Variants in PCDHA9 observed in about 807,000 individuals in gnomAD.
PCDHA9 encodes the protein protocadherin alpha 9.
PCDHA9 carries 62 observed loss-of-function variants against 62.0 expected under a neutral mutation model. The ratio of observed to expected loss-of-function variants is 1.00; its 90% CI spans 0.81 to 1.23. The LOEUF is 1.23. Among genes scored for constraint, PCDHA9 ranks in the 50% most tolerant of loss-of-function variants. PCDHA9 has a pLI of 0.00. For synonymous variants in PCDHA9, 557 were observed against 567.6 expected (o/e 0.98, Z 0.27); for missense variants, 1,205 against 1,249.8 (o/e 0.96, Z 0.54).
chr5:140,887,153 G>C (rs950456487), intron 1 of PCDHA9, among the ~76,000 whole-genome samples: 1 of 151,288 alleles, frequency 6.6e-6, no homozygotes, highest in South Asian at 2.1e-4. Flanking sequence ...CTGGAGTACA[G>C]TGGCGTGATC....
chr5:140,857,857 C>T lies in PCDHA9; in HGVS notation c.2394+6968C>T, dbSNP rs1415276512. On this transcript the variant is annotated intron_variant, in intron 1 of 3. Transcript: ENST00000532602. ...CAGTGGACGCTGACTCTGGATACAA[C>T]GCGTGGCTGTCGTATGAATTGCAGT... 10 of 1,597,784 alleles carry T rather than the reference C, an allele frequency of 6.3e-6. 2 individuals are homozygous for T. Among genetic ancestry groups the T allele is most frequent in the African/African-American group, 1.3e-5 (1 of 74,362 alleles).
At chr5:140,916,464 G>T (rs2077577403) in intron 1 of PCDHA9, among the ~76,000 whole-genome samples, 1 of 152,206 alleles carries the variant, frequency 6.6e-6, no homozygotes, top group Non-Finnish European at 1.5e-5. Context: ...ATCACTGCTG[G>T]TTATTTGGTG....
intron 1 of PCDHA9, among the ~76,000 whole-genome samples, chr5:140,944,623 T>G (rs535315515): frequency 2.0e-5 from 3 of 152,202 alleles, no homozygotes; most frequent in Non-Finnish European, 4.4e-5. Flanking sequence ...AGAAGTATAG[T>G]GTTGTAAGCC....
At chr5:140,876,510 T>C in intron 1 of PCDHA9, 1 of 1,614,038 alleles carries the variant, frequency 6.2e-7, no homozygotes, top group Non-Finnish European at 8.5e-7. Flanking sequence ...TGAATGACAA[T>C]GTCCCTGAAG....
chr5:140,885,335 A>T (rs183720535), intron 1 of PCDHA9, among the ~76,000 whole-genome samples: 2 of 152,246 alleles, frequency 1.3e-5, no homozygotes, highest in East Asian at 3.9e-4. Context: ...CCAAAGTTTG[A>T]AGGGATTTCC....
intron 3 of PCDHA9, among the ~76,000 whole-genome samples, chr5:141,006,194 A>G (rs1455369245): frequency 1.3e-5 from 2 of 149,246 alleles, no homozygotes; most frequent in African/African-American, 2.5e-5. Context: ...TGCTATATGT[A>G]TGTTATGCCT....
At chr5:140,862,660 G>C (rs569424242) in intron 1 of PCDHA9, 56 of 546,542 alleles carry the variant, frequency 1.0e-4, no homozygotes, top group African/African-American at 8.2e-4. Flanking sequence ...GCGGGACCGG[G>C]ACGCGCAGGA....
In PCDHA9 at chr5:140,884,236, G is replaced by A. The variant is rs368136155; in HGVS notation, c.2394+33347G>A. ...TGGTGCTGGTGAAGGACCACGGTGAGCCCGCGCTGACGGCCACGGCAACGG... is the reference window on the plus strand; with the variant it reads ...TGGTGCTGGTGAAGGACCACGGTGAACCCGCGCTGACGGCCACGGCAACGG... On this transcript the variant is annotated intron_variant, in intron 1 of 3. Transcript: ENST00000532602. 11 of 1,613,334 alleles carry A rather than the reference G, an allele frequency of 6.8e-6. No homozygotes were observed. The African/African-American group carries it at 1.2e-4, about 18-fold the overall frequency.
chr5:140,929,170 C>T, intron 1 of PCDHA9: 4 of 1,614,134 alleles, frequency 2.5e-6, no homozygotes, highest in Non-Finnish European at 3.4e-6. Flanking sequence ...TCGGGCCTCT[C>T]TGGGACTTGG....
At chr5:140,857,986 A>C in intron 1 of PCDHA9, 1 of 1,596,686 alleles carries the variant, frequency 6.3e-7, no homozygotes, top group South Asian at 1.1e-5. Flanking sequence ...GCCAGCGCCT[A>C]CTGGTGCTGG....
chr5:140,963,895 T>C (rs1331133094), intron 1 of PCDHA9, among the ~76,000 whole-genome samples: 2 of 152,224 alleles, frequency 1.3e-5, no homozygotes, highest in Non-Finnish European at 2.9e-5. Flanking sequence ...TTAATTAAAA[T>C]GAGTAAAGTG....
In PCDHA9 at chr5:140,857,247, A is replaced by T. The variant is rs140390466; in HGVS notation, c.2394+6358A>T. 1.3e-4 allele frequency: 206 copies of T among 1,598,558 alleles called. 15 individuals carry two copies. The African/African-American group carries it at 2.2e-3, about 17-fold the overall frequency. On this transcript the variant is annotated intron_variant, in intron 1 of 3. Transcript: ENST00000532602. The stretch of plus-strand genomic sequence containing the variant: ...GTTCCGTTCAAGCTGGTGTCCACCT[A>T]CAAGAATTACTACTCATTGGTGCTG...
Position 140,877,553 on chromosome 5 carries a change from T to C in PCDHA9, c.2394+26664T>C, listed in dbSNP as rs781933436. The C allele has an allele frequency of 1.9e-6, 3 of 1,613,720 alleles. No individual in the cohort carries two copies. The South Asian group carries it at 3.3e-5, about 18-fold the overall frequency. On this transcript the variant is annotated intron_variant, in intron 1 of 3. Coordinates refer to ENST00000532602, the MANE Select transcript of PCDHA9 (RefSeq NM_031857.2). ...GCTGTGGATCCCGAAGCGGCTCTGG[T>C]GGATATTAACGTGTACCTCATCATC...
intron 1 of PCDHA9, chr5:140,884,420 T>A: frequency 1.2e-6 from 2 of 1,613,972 alleles, no homozygotes; most frequent in Non-Finnish European, 8.5e-7. Context: ...GTTGCTGCTG[T>A]ATACTGCGCT....
At chr5:141,006,119 T>C (rs1327328997) in intron 3 of PCDHA9, among the ~76,000 whole-genome samples, 14 of 152,070 alleles carry the variant, frequency 9.2e-5, no homozygotes, top group South Asian at 4.2e-4. Context: ...TTTTTTTTTT[T>C]CTCAAGGCAG....
At chr5:140,915,028 T>C (rs1583932096) in intron 1 of PCDHA9, among the ~76,000 whole-genome samples, 1 of 150,922 alleles carries the variant, frequency 6.6e-6, no homozygotes, top group Non-Finnish European at 1.5e-5. Context: ...TCACTGCAAC[T>C]TCTGCCTCCT....
chr5:140,883,639 G>A (rs2059720248), intron 1 of PCDHA9: 1 of 1,614,016 alleles, frequency 6.2e-7, no homozygotes, highest in Non-Finnish European at 8.5e-7. Context: ...CGTTCGCGCA[G>A]CCCGAGTACA....
chr5:140,986,195 A>G (rs1200850544), intron 3 of PCDHA9, among the ~76,000 whole-genome samples: 1 of 152,314 alleles, frequency 6.6e-6, no homozygotes, highest in Non-Finnish European at 1.5e-5. Context: ...TAAATTGGTT[A>G]ATCCTGATTA....
intron 1 of PCDHA9, among the ~76,000 whole-genome samples, chr5:140,920,083 G>A (rs536573725): frequency 3.3e-5 from 5 of 152,260 alleles, no homozygotes; most frequent in East Asian, 1.9e-4. Flanking sequence ...CAGATTCTCC[G>A]TAGAGCCTCT....
Sources: gnomAD v4.1 joint callset for allele counts (sites outside exome capture counted in the v4.1 genomes callset) on GRCh38, gnomAD v4.1.1 for gene constraint, MANE v1.5 for transcripts, NCBI Gene and HGNC (gene_info 2026-07-23, HGNC 2026-07-21) for gene names.